PKD2: variants seen among roughly 807,000 people sequenced by gnomAD.
The protein encoded by PKD2 is polycystin 2, transient receptor potential cation channel.
PKD2 carries 48 observed loss-of-function variants against 105.9 expected under a neutral mutation model. The ratio of observed to expected loss-of-function variants is 0.45; its 90% CI spans 0.36 to 0.58. The LOEUF is 0.58. Among genes scored for constraint, PKD2 ranks in the 20% least tolerant of loss-of-function variants. The pLI is 0.00. For missense variants in PKD2, 1,078 were observed against 1,255.3 expected, an observed-to-expected ratio of 0.86 and a Z score of 2.13; for synonymous variants, 464 against 481.1, an observed-to-expected ratio of 0.96 and a Z score of 0.46.
intron 5 of PKD2, among the ~76,000 whole-genome samples, chr4:88,045,376 A>G (rs1046907777): frequency 2.0e-5 from 3 of 152,242 alleles, no homozygotes; most frequent in African/African-American, 7.2e-5. Flanking sequence ...AGGAGAACTG[A>G]CAATGAAAAG....
intron 8 of PKD2, among the ~76,000 whole-genome samples, chr4:88,057,523 C>T (rs1578142561): frequency 6.6e-6 from 1 of 150,758 alleles, no homozygotes; most frequent in Non-Finnish European, 1.5e-5. Flanking sequence ...GCAACCTCTG[C>T]CTCCCGGGTT....
intron 7 of PKD2, among the ~76,000 whole-genome samples, chr4:88,053,201 G>T (rs1433782125): frequency 6.6e-6 from 1 of 152,160 alleles, no homozygotes; most frequent in Non-Finnish European, 1.5e-5. Context: ...GGTCCTACTG[G>T]CCACACATTA....
At chr4:88,028,076 A>T (rs1445721366) in intron 2 of PKD2, among the ~76,000 whole-genome samples, 1 of 152,248 alleles carries the variant, frequency 6.6e-6, no homozygotes, top group Non-Finnish European at 1.5e-5. Context: ...AGAAACGAAC[A>T]ACAAAATCAT....
At chr4:88,069,211 C>T in intron 13 of PKD2, among the ~76,000 whole-genome samples, 1 of 152,076 alleles carries the variant, frequency 6.6e-6, no homozygotes, top group East Asian at 1.9e-4. Context: ...CTCCTGTAGA[C>T]AGCATATAAT....
intron 9 of PKD2, 99 bp from the exon 10 acceptor site, chr4:88,061,807 A>AAAAAAGGATAAAC (rs1422810301): frequency 1.4e-6 from 1 of 697,938 alleles, no homozygotes; most frequent in East Asian, 2.7e-5. Context: ...CAGATTAGGA[A>AAAAAAGGATAAAC]AAAAAGGATA....
chr4:88,008,875 G>A (rs1578112205), intron 1 of PKD2, among the ~76,000 whole-genome samples: 3 of 152,298 alleles, frequency 2.0e-5, no homozygotes, highest in Admixed American at 2.0e-4. Flanking sequence ...GGTGATGTGT[G>A]TGGTTGTTTT....
intron 2 of PKD2, among the ~76,000 whole-genome samples, chr4:88,033,824 A>G (rs972313766): frequency 6.6e-6 from 1 of 152,188 alleles, no homozygotes; most frequent in Non-Finnish European, 1.5e-5. Flanking sequence ...AATCAACTTA[A>G]TCATTTGGTT....
intron 2 of PKD2, among the ~76,000 whole-genome samples, chr4:88,031,132 A>G (rs1044431144): frequency 2.0e-5 from 3 of 152,180 alleles, no homozygotes; most frequent in African/African-American, 7.2e-5. Context: ...CAGCCATGTG[A>G]TTATGAGGGT....
At chr4:88,052,252 C>A in intron 7 of PKD2, 94 bp downstream of exon 7, 1 of 833,068 alleles carries the variant, frequency 1.2e-6, no homozygotes. Context: ...ATTTGAAATT[C>A]AAGTGACCAG....
chr4:88,027,010 T>C (rs1239490632), intron 2 of PKD2, among the ~76,000 whole-genome samples: 1 of 152,208 alleles, frequency 6.6e-6, no homozygotes, highest in Non-Finnish European at 1.5e-5. Context: ...CAGGCAGAAG[T>C]CTGCTGCAGG....
chr4:88,021,730 A>C (rs1726754788), intron 2 of PKD2, among the ~76,000 whole-genome samples: 1 of 152,216 alleles, frequency 6.6e-6, no homozygotes, highest in African/African-American at 2.4e-5. Flanking sequence ...GCCAGAGTCT[A>C]TCTCTTATAA....
intron 2 of PKD2, among the ~76,000 whole-genome samples, chr4:88,024,846 A>C (rs553191305): frequency 1.2e-4 from 19 of 152,150 alleles, no homozygotes; most frequent in Non-Finnish European, 1.8e-4. Flanking sequence ...ATAGAGTAGA[A>C]AAAATAGGCC....
At chr4:88,064,979 T>C (rs547741633) in intron 10 of PKD2, among the ~76,000 whole-genome samples, 1 of 152,262 alleles carries the variant, frequency 6.6e-6, no homozygotes, top group South Asian at 2.1e-4. Context: ...AATTACTGTC[T>C]AGAAGATAGA....
At chr4:88,058,181 T>A (rs970687115) in intron 9 of PKD2, 78 bp downstream of exon 9, 5 of 903,250 alleles carry the variant, frequency 5.5e-6, no homozygotes, top group Admixed American at 4.1e-5. Flanking sequence ...TCACACTTTA[T>A]GTCCTATCAA....
rs555280901 is a variant in PKD2 at position 88,075,479 on chromosome 4, A to G, written c.2692A>G (p.Ser898Gly). 1.9e-6 allele frequency: 3 copies of G among 1,614,050 alleles called. No individual in the cohort carries two copies. Among genetic ancestry groups the G allele is most frequent in the East Asian group, 4.5e-5 (2 of 44,888 alleles). ...TTAGGATGAAAGGCTGGGTCGTGAC[A>G]GTGAAATCCATAGGGAACAGATGGA... ...VAEDERLGRD[S>G]EIHREQMERL... Residue 898 changes from serine to glycine, a missense_variant, in exon 15 of 15, where the codon AGT becomes GGT. Ser to Gly is a moderately conservative substitution (Grantham distance 56, BLOSUM62 0). This residue lies in a region of PKD2 where 868 missense variants were observed against 1,067.3 expected (regional missense o/e 0.81). Coordinates refer to ENST00000237596, the MANE Select transcript of PKD2 (RefSeq NM_000297.4).
At chr4:88,068,646 A>G (rs1255075951) in intron 13 of PKD2, among the ~76,000 whole-genome samples, 2 of 152,150 alleles carry the variant, frequency 1.3e-5, no homozygotes, top group African/African-American at 2.4e-5. Context: ...CAATGTTTCT[A>G]TATATTTTTA....
intron 9 of PKD2, among the ~76,000 whole-genome samples, 194 bp from the exon 10 acceptor site, chr4:88,061,712 T>C (rs1720577615): frequency 6.6e-6 from 1 of 151,848 alleles, no homozygotes; most frequent in African/African-American, 2.4e-5. Context: ...CACTCCAGCC[T>C]GGGCAACACA....
intron 4 of PKD2, among the ~76,000 whole-genome samples, chr4:88,039,902 C>T (rs903228059): frequency 6.6e-6 from 1 of 152,148 alleles, no homozygotes; most frequent in African/African-American, 2.4e-5. Flanking sequence ...CCACCATGCC[C>T]AGCTTTATTT....
Position 88,074,974 on chromosome 4 carries a change from G to C in PKD2, c.2670+15G>C, listed in dbSNP as rs200878218. 149 of 1,613,604 alleles carry C rather than the reference G, an allele frequency of 9.2e-5. 1 individual carries two copies. The highest frequency in any genetic ancestry group is 1.3e-4 in the Non-Finnish European group (148 of 1,179,528). ...GGGTGGCCGAGGTCAGTAGTCATGA[G>C]CTGAAAACACCGCTGCTGAGCATGG... On this transcript the variant is annotated intron_variant, in intron 14 of 14. Transcript: ENST00000237596.
Sources: gnomAD v4.1 joint callset for allele counts (sites outside exome capture counted in the v4.1 genomes callset) on GRCh38, gnomAD v4.1.1 for gene constraint, gnomAD v4.1.1 regional missense constraint, MANE v1.5 for transcripts, NCBI Gene and HGNC (gene_info 2026-07-23, HGNC 2026-07-21) for gene names.